The following AP4E1 variants were observed in gnomAD, a reference collection of about 807,000 sequenced individuals.
AP4E1 encodes the protein AP-4 complex subunit epsilon-1.
A neutral mutation model predicts 128.2 loss-of-function variants in AP4E1; 56 were observed. The ratio of observed to expected loss-of-function variants is 0.44; its 90% CI spans 0.35 to 0.55. The LOEUF (loss-of-function observed/expected upper bound fraction) is 0.55, where lower values mean the gene tolerates loss of function less well. Among genes scored for constraint, AP4E1 ranks in the 20% least tolerant of loss-of-function variants. The pLI is 0.00. For synonymous variants in AP4E1, 484 were observed against 473.1 expected (o/e 1.02, Z -0.30); for missense variants, 1,324 against 1,307.7 (o/e 1.01, Z -0.19).
intron 8 of AP4E1, among the ~76,000 whole-genome samples, chr15:50,940,623 CT>C (rs1188216256): frequency 2.0e-5 from 3 of 152,158 alleles, no homozygotes; most frequent in African/African-American, 7.2e-5. Context: ...CTGTGTCACA[CT>C]TCTGATACTA....
intron 14 of AP4E1, among the ~76,000 whole-genome samples, chr15:50,967,202 A>G (rs766998435): frequency 3.9e-5 from 6 of 152,242 alleles, no homozygotes; most frequent in Non-Finnish European, 8.8e-5. Context: ...GAGGCTGAAT[A>G]ATGGCCCTTG....
At chr15:50,990,558 A>G (rs1595577720) in intron 16 of AP4E1, among the ~76,000 whole-genome samples, 1 of 151,480 alleles carries the variant, frequency 6.6e-6, no homozygotes, top group African/African-American at 2.4e-5. Flanking sequence ...GCTAATTTTT[A>G]TGTTTTTAGT....
Position 50,983,997 on chromosome 15 carries a change from C to T in AP4E1, c.1967-25C>T, listed in dbSNP as rs201803129. On this transcript the variant is annotated intron_variant, in intron 15 of 20. Coordinates refer to ENST00000261842, the MANE Select transcript of AP4E1 (RefSeq NM_007347.5). Reference sequence around the variant, plus strand: ...TTTTTGCTTTGTTTTAAATATGAACCTCTGTTATTATTTTAAAATTCTAGT... The same window carrying T: ...TTTTTGCTTTGTTTTAAATATGAACTTCTGTTATTATTTTAAAATTCTAGT... 1.9e-6 allele frequency: 3 copies of T among 1,608,318 alleles called. No homozygotes were observed. The African/African-American group carries it at 4.0e-5, about 22-fold the overall frequency.
In AP4E1 at chr15:50,997,747, A is replaced by G. The variant is rs2064898767; in HGVS notation, c.2768A>G (p.Asn923Ser). ...CACTCAAATGCTATGGAAGTCTGTA[A>G]TAATGAAACTATATCAGTGTCTTCT... Reference protein sequence around the residue: ...YIHSNAMEVCNNETISVSSYK... With the variant: ...YIHSNAMEVCSNETISVSSYK... The change falls in exon 18 of 21, where the codon AAT (asparagine) becomes AGT (serine). Residue 923 changes from asparagine to serine, a missense_variant. Physicochemically the swap from Asn to Ser is conservative, Grantham distance 46. Coordinates refer to ENST00000261842, the MANE Select transcript of AP4E1 (RefSeq NM_007347.5). The G allele has an allele frequency of 6.2e-7, 1 of 1,613,750 alleles. No individual in the cohort carries two copies. The highest frequency in any genetic ancestry group is 8.5e-7 in the Non-Finnish European group (1 of 1,179,908).
chr15:50,925,243 G>A (rs569573795), intron 5 of AP4E1, 24 bp downstream of exon 5: 8 of 1,602,856 alleles, frequency 5.0e-6, no homozygotes, highest in South Asian at 2.2e-5. Flanking sequence ...TTTGGGATAG[G>A]CATCTATGCC....
chr15:50,923,249 T>TATAATATA (rs1164678222), intron 3 of AP4E1, among the ~76,000 whole-genome samples: 5 of 152,232 alleles, frequency 3.3e-5, no homozygotes, highest in Non-Finnish European at 7.3e-5. Context: ...AGATTATATG[T>TATAATATA]ACATGGCATT....
Position 50,934,629 on chromosome 15 carries a change from G to A in AP4E1, c.875G>A (p.Ser292Asn), listed in dbSNP as rs763213142. ...ATAAAATATCTTTTAAACAGGACAAGTGAATTAATGTATGATGTTCTTGAT... is the reference window on the plus strand; with the variant it reads ...ATAAAATATCTTTTAAACAGGACAAATGAATTAATGTATGATGTTCTTGAT... ...GLLGKDDQRT[S>N]ELMYDVLDES... The change falls in exon 8 of 21, where the codon AGT (serine) becomes AAT (asparagine). Residue 292 changes from serine to asparagine, a missense_variant. Physicochemically the swap from Ser to Asn is conservative, Grantham distance 46. Coordinates refer to ENST00000261842, the MANE Select transcript of AP4E1 (RefSeq NM_007347.5). 6.2e-7 allele frequency: 1 copy of A among 1,604,352 alleles called. No homozygotes were observed. Among genetic ancestry groups the A allele is most frequent in the Non-Finnish European group, 8.5e-7 (1 of 1,171,746 alleles).
chr15:50,971,096 C>T (rs1037798994), intron 15 of AP4E1, among the ~76,000 whole-genome samples: 3 of 152,232 alleles, frequency 2.0e-5, no homozygotes, highest in Admixed American at 2.0e-4. Context: ...TTTTCACTTC[C>T]AGACTCCCTG....
At chr15:50,979,137 G>A (rs966184492) in intron 15 of AP4E1, among the ~76,000 whole-genome samples, 3 of 151,940 alleles carry the variant, frequency 2.0e-5, no homozygotes, top group Admixed American at 6.5e-5. Context: ...CATTTCTTGA[G>A]GTATTCACTG....
chr15:50,993,893 G>A (rs2064836905), intron 17 of AP4E1, among the ~76,000 whole-genome samples: 1 of 152,190 alleles, frequency 6.6e-6, no homozygotes, highest in Non-Finnish European at 1.5e-5. Context: ...TAAGGTTACA[G>A]GTATGACCAC....
chr15:50,946,105 A>G (rs771121888), intron 10 of AP4E1: 25 of 583,938 alleles, frequency 4.3e-5, no homozygotes, highest in Middle Eastern at 4.7e-4. Flanking sequence ...TTTTAGTTAC[A>G]TGTGTAGAGC....
At chr15:50,980,840 A>G (rs1055848613) in intron 15 of AP4E1, among the ~76,000 whole-genome samples, 2 of 152,164 alleles carry the variant, frequency 1.3e-5, no homozygotes, top group Admixed American at 1.3e-4. Flanking sequence ...GATTCAAGCC[A>G]TAAACCTTGG....
At position 50,928,996 on chromosome 15, in the gene AP4E1, T is replaced by G; in HGVS notation, c.543-13T>G. ...TCAGATTGTCTTGTTTAAATTTCAT[T>G]TTTTGTCTTCAGGGAGATTGTACGA... On this transcript the variant is annotated splice_polypyrimidine_tract_variant and intron_variant, in intron 5 of 20. Coordinates refer to ENST00000261842, the MANE Select transcript of AP4E1 (RefSeq NM_007347.5). 6.2e-7 allele frequency: 1 copy of G among 1,613,482 alleles called. No homozygotes were observed. The highest frequency in any genetic ancestry group is 8.5e-7 in the Non-Finnish European group (1 of 1,179,648).
chr15:50,933,460 A>T (rs996212639), intron 7 of AP4E1, among the ~76,000 whole-genome samples: 18 of 152,154 alleles, frequency 1.2e-4, no homozygotes, highest in Admixed American at 2.6e-4. Context: ...ATTAAGATTT[A>T]TCTTGATCTT....
intron 1 of AP4E1, among the ~76,000 whole-genome samples, chr15:50,909,298 C>G (rs1567203292): frequency 1.3e-5 from 2 of 152,198 alleles, no homozygotes. Flanking sequence ...ATACCTAGTG[C>G]GATGGAAGTG....
Position 50,925,094 on chromosome 15 carries a change from C to T in AP4E1, c.421-4C>T. On this transcript the variant is annotated splice_polypyrimidine_tract_variant and splice_region_variant and intron_variant, in intron 4 of 20. Transcript: ENST00000261842. ...AATGTTTTCTTTGCTTAATGTTGTG[C>T]CAGGATCTGCAGAGCACTAACCTAG... 1 of 1,613,722 alleles carries T rather than the reference C, an allele frequency of 6.2e-7. No homozygotes were observed. The highest frequency in any genetic ancestry group is 1.7e-4 in the Middle Eastern group (1 of 6,058).
At chr15:50,956,535 G>T (rs984838185) in intron 13 of AP4E1, among the ~76,000 whole-genome samples, 5 of 152,162 alleles carry the variant, frequency 3.3e-5, no homozygotes, top group Admixed American at 1.3e-4. Flanking sequence ...CCACATGGCT[G>T]GGGAGGCCTC....
intron 14 of AP4E1, among the ~76,000 whole-genome samples, chr15:50,960,999 G>A (rs1360556285): frequency 6.6e-6 from 1 of 151,890 alleles, no homozygotes; most frequent in Non-Finnish European, 1.5e-5. Flanking sequence ...ATAAACAACT[G>A]TACACTAACA....
At position 50,956,719 on chromosome 15, in the gene AP4E1, TGCCCTTGACATGTG is replaced by T. The variant is rs574229485; in HGVS notation, c.1549-1771_1549-1758del. Among the ~76,000 whole-genome samples, 220 of 152,354 alleles carry T rather than the reference TGCCCTTGACATGTG, an allele frequency of 1.4e-3. 1 individual carries two copies. In the Middle Eastern group the frequency reaches 0.048, roughly 33 times the overall value. On this transcript the variant is annotated intron_variant, in intron 13 of 20. Transcript: ENST00000261842. Reference sequence around the variant, plus strand: ...TGATTCAGTTATTTCCACCTGGTCCTGCCCTTGACATGTGGGGGATTATTACAATTCAAGGTGAG... The same window carrying T: ...TGATTCAGTTATTTCCACCTGGTCCTGGGGATTATTACAATTCAAGGTGAG...
Sources: gnomAD v4.1 joint callset for allele counts (sites outside exome capture counted in the v4.1 genomes callset) on GRCh38, gnomAD v4.1.1 for gene constraint, MANE v1.5 for transcripts, NCBI Gene and HGNC (gene_info 2026-07-23, HGNC 2026-07-21) for gene names.